RANBP17: variants seen among roughly 807,000 people sequenced by gnomAD.
RANBP17 encodes the protein RAN binding protein 17, also known as ran-binding protein 17.
In RANBP17, 158 loss-of-function variants were observed where a neutral mutation model predicts 141.2. The observed-to-expected ratio is 1.12, with a 90% CI of 0.98 to 1.28. The LOEUF (loss-of-function observed/expected upper bound fraction) is 1.28. Ranked by LOEUF, RANBP17 falls within the 50% of genes most tolerant of loss-of-function variation. The pLI is 0.00. For synonymous variants in RANBP17, 430 were observed against 450.0 expected (o/e 0.96, Z 0.56); for missense variants, 1,438 against 1,290.7 (o/e 1.11, Z -1.75).
At chr5:171,278,667 GC>G (rs1767676878) in intron 25 of RANBP17, among the ~76,000 whole-genome samples, 1 of 152,122 alleles carries the variant, frequency 6.6e-6, no homozygotes, top group Admixed American at 6.5e-5. Context: ...CAAATGAGAG[GC>G]CAAGCAGCCC....
At chr5:170,902,160 A>G (rs1351505939) in intron 5 of RANBP17, among the ~76,000 whole-genome samples, 3 of 152,200 alleles carry the variant, frequency 2.0e-5, no homozygotes, top group East Asian at 1.9e-4. Flanking sequence ...AGGTACACCA[A>G]TCAAACATAG....
At chr5:171,036,298 C>T (rs1781878416) in intron 14 of RANBP17, among the ~76,000 whole-genome samples, 2 of 152,114 alleles carry the variant, frequency 1.3e-5, no homozygotes. Context: ...TTTTCTTTTC[C>T]TGTGTTAATT....
intron 14 of RANBP17, among the ~76,000 whole-genome samples, chr5:171,040,115 T>TC (rs1234725810): frequency 6.6e-6 from 1 of 151,400 alleles, no homozygotes; most frequent in Non-Finnish European, 1.5e-5. Flanking sequence ...ACAAAAAAAA[T>TC]CCCCCCAAAA....
rs185106737 is a variant in RANBP17 at position 171,253,891 on chromosome 5, T to G, written c.2776+11071T>G. On this transcript the variant is annotated intron_variant, in intron 24 of 27. Coordinates refer to ENST00000523189, the MANE Select transcript of RANBP17 (RefSeq NM_022897.5). ...TATCTCTGGCCAAATATTTGTCCTT[T>G]TATTATGGTTTCTAAATCAGTTATT... is the stretch of plus-strand genomic sequence containing the variant. 1.8e-3 allele frequency among the ~76,000 whole-genome samples: 270 copies of G among 152,284 alleles called. 1 individual carries two copies. The highest frequency in any genetic ancestry group is 5.7e-3 in the African/African-American group (238 of 41,576).
chr5:171,110,167 ACT>A (rs1422506835), intron 14 of RANBP17, among the ~76,000 whole-genome samples: 1 of 151,762 alleles, frequency 6.6e-6, no homozygotes, highest in African/African-American at 2.4e-5. Context: ...TCAGATTCCA[ACT>A]CTGTTACTTC....
At chr5:171,034,890 C>T (rs888176707) in intron 14 of RANBP17, among the ~76,000 whole-genome samples, 1 of 152,068 alleles carries the variant, frequency 6.6e-6, no homozygotes, top group Non-Finnish European at 1.5e-5. Context: ...CATCATGGCT[C>T]ACGGCTCCTG....
At chr5:171,034,456 A>G (rs766491369) in intron 14 of RANBP17, among the ~76,000 whole-genome samples, 7 of 152,228 alleles carry the variant, frequency 4.6e-5, no homozygotes, top group Non-Finnish European at 7.3e-5. Context: ...CATAAAAGGA[A>G]AGCTTAGAAT....
intron 12 of RANBP17, among the ~76,000 whole-genome samples, chr5:170,934,359 T>A (rs1773673819): frequency 6.6e-6 from 1 of 151,880 alleles, no homozygotes; most frequent in African/African-American, 2.4e-5. Flanking sequence ...GGTCTTGAAT[T>A]TGATCCTGTT....
intron 22 of RANBP17, among the ~76,000 whole-genome samples, chr5:171,237,345 AGTT>A (rs768902628): frequency 6.6e-6 from 1 of 152,160 alleles, no homozygotes; most frequent in Non-Finnish European, 1.5e-5. Flanking sequence ...CTCATTTCCT[AGTT>A]GTTTTCCCTC....
In RANBP17 at chr5:171,049,437, T is replaced by C. The variant is rs1782812848; in HGVS notation, c.1710+81060T>C. Among the ~76,000 whole-genome samples, 8 of 152,318 alleles carry C rather than the reference T, an allele frequency of 5.3e-5. No individual in the cohort carries two copies. In the South Asian group the frequency reaches 1.7e-3, roughly 32 times the overall value. Reference sequence around the variant, plus strand: ...GTAGGTTGTCTGTTTACTCTGTTGATGGTTTATTTTTGCTGTGCAGAAGCT... The same window carrying C: ...GTAGGTTGTCTGTTTACTCTGTTGACGGTTTATTTTTGCTGTGCAGAAGCT... On this transcript the variant is annotated intron_variant, in intron 14 of 27. Transcript: ENST00000523189.
In RANBP17 at chr5:170,932,620, G is replaced by C. The variant is rs937555001; in HGVS notation, c.1468+8070G>C. Reference sequence around the variant, plus strand: ...TTTATTGAGAGTTTTTAGCATGAAGGGCTGTTGAATTTTGTCAAAGGCCTT... The same window carrying C: ...TTTATTGAGAGTTTTTAGCATGAAGCGCTGTTGAATTTTGTCAAAGGCCTT... On this transcript the variant is annotated intron_variant, in intron 12 of 27. Transcript: ENST00000523189. Among the ~76,000 whole-genome samples the C allele has an allele frequency of 4.4e-4, 67 of 151,992 alleles. 1 individual carries two copies. Among genetic ancestry groups the C allele is most frequent in the Non-Finnish European group, 1.0e-4 (7 of 67,986 alleles).
intron 22 of RANBP17, among the ~76,000 whole-genome samples, chr5:171,239,663 A>T (rs1232543678): frequency 6.6e-6 from 1 of 152,178 alleles, no homozygotes; most frequent in Non-Finnish European, 1.5e-5. Context: ...GAGTGGAACT[A>T]TGAAAGGATT....
intron 13 of RANBP17, among the ~76,000 whole-genome samples, chr5:170,957,311 A>G (rs924674809): frequency 2.0e-5 from 3 of 152,114 alleles, no homozygotes; most frequent in Admixed American, 1.3e-4. Context: ...TCTGGAGGTT[A>G]GGGAGAAGAG....
chr5:171,101,171 C>T lies in RANBP17; in HGVS notation c.1711-68959C>T, dbSNP rs139982789. Among the ~76,000 whole-genome samples, 885 of 151,514 alleles carry T rather than the reference C, an allele frequency of 5.8e-3. 8 individuals are homozygous for T. Among genetic ancestry groups the T allele is most frequent in the African/African-American group, 0.02 (839 of 41,408 alleles). On this transcript the variant is annotated intron_variant, in intron 14 of 27. Transcript: ENST00000523189. ...GAATATCCTTGCTAATTTTCTGTCT[C>T]GATCTGTCTAATATTGACAGTGGAG...
Position 170,970,281 on chromosome 5 carries a change from A to G in RANBP17, c.1710+1904A>G, listed in dbSNP as rs114417748. ...TTGTGGCAAAAAGTGGGAGAATACT[A>G]GATAATAGCAAATGAATGTTTAACA... On this transcript the variant is annotated intron_variant, in intron 14 of 27. Transcript: ENST00000523189. Among the ~76,000 whole-genome samples the G allele has an allele frequency of 3.6e-3, 553 of 151,976 alleles. 3 individuals are homozygous for G. Among genetic ancestry groups the G allele is most frequent in the African/African-American group, 0.012 (514 of 41,496 alleles).
chr5:171,101,493 T>G (rs979711985), intron 14 of RANBP17, among the ~76,000 whole-genome samples: 3 of 152,226 alleles, frequency 2.0e-5, no homozygotes, highest in Admixed American at 1.3e-4. Context: ...TATGTGTGTC[T>G]TTGCATGTGA....
intron 16 of RANBP17, among the ~76,000 whole-genome samples, chr5:171,181,399 T>C (rs1482863423): frequency 6.6e-6 from 1 of 150,824 alleles, no homozygotes; most frequent in African/African-American, 2.4e-5. Flanking sequence ...TGCAGTGAGC[T>C]GAGATCACGC....
At chr5:171,174,034 G>A (rs1380921090) in intron 16 of RANBP17, among the ~76,000 whole-genome samples, 1 of 152,132 alleles carries the variant, frequency 6.6e-6, no homozygotes, top group Non-Finnish European at 1.5e-5. Flanking sequence ...GTAACTGGAT[G>A]ACTGTTGCAT....
At chr5:171,165,325 G>GA (rs1759616878) in intron 14 of RANBP17, among the ~76,000 whole-genome samples, 1 of 151,610 alleles carries the variant, frequency 6.6e-6, no homozygotes, top group Admixed American at 6.6e-5. Context: ...GGGATTACAG[G>GA]TACACGCCAC....
Sources: allele counts gnomAD v4.1 joint callset (sites outside exome capture counted in the v4.1 genomes callset), GRCh38; gene constraint gnomAD v4.1.1; transcripts MANE v1.5; gene names NCBI Gene and HGNC (gene_info 2026-07-23, HGNC 2026-07-21).